PPRC1: variants seen among roughly 807,000 people sequenced by gnomAD.
PPRC1 encodes the protein peroxisome proliferator-activated receptor gamma coactivator-related protein 1.
A neutral mutation model predicts 132.5 loss-of-function variants in PPRC1; 23 were observed. The observed-to-expected ratio is 0.17, with a 90% CI of 0.12 to 0.25. The LOEUF (loss-of-function observed/expected upper bound fraction) is 0.25. Ranked by LOEUF, PPRC1 falls within the 10% of genes least tolerant of loss-of-function variation. PPRC1 has a pLI of 1.00. For missense variants in PPRC1, 2,006 were observed against 2,089.1 expected, an observed-to-expected ratio of 0.96 and a Z score of 0.78; for synonymous variants, 872 against 833.5, an observed-to-expected ratio of 1.05 and a Z score of -0.80.
chr10:102,119,937 G>C, the PPRC1 span: 40 of 455,776 alleles, frequency 8.8e-5, 1 homozygote, highest in African/African-American at 8.1e-4. Flanking sequence ...AACGCTACCC[G>C]CCAGCCTGAG....
rs763306636 is a variant in PPRC1 at position 102,140,708 on chromosome 10, A to C, written c.2200A>C (p.Lys734Gln). The C allele has an allele frequency of 2.5e-6, 4 of 1,613,920 alleles. No homozygotes were observed. Among genetic ancestry groups the C allele is most frequent in the Admixed American group, 3.3e-5 (2 of 59,972 alleles). The change falls in exon 5 of 14, where the codon AAA becomes CAA. Residue 734 changes from lysine to glutamine, a missense_variant. By Grantham distance (53) the Lys-to-Gln change is moderately conservative. This residue lies in a region of PPRC1 where 1,914 missense variants were observed against 1,917.2 expected (regional missense o/e 1.00). Transcript: ENST00000278070. ...AGTCAAAGAGGTTGTGGATTCTCTGAAAATTGAAAGTGGTACCAGTGCTAC... is the reference window on the plus strand; with the variant it reads ...AGTCAAAGAGGTTGTGGATTCTCTGCAAATTGAAAGTGGTACCAGTGCTAC... ...PEVKEVVDSLKIESGTSATTH... is the reference protein window; with the variant it reads ...PEVKEVVDSLQIESGTSATTH...
In PPRC1 at chr10:102,148,356, C is replaced by T. The variant is rs1340697831; in HGVS notation, c.4401-16C>T. 1 of 1,611,416 alleles carries T rather than the reference C, an allele frequency of 6.2e-7. No homozygotes were observed. Among genetic ancestry groups the T allele is most frequent in the Admixed American group, 1.7e-5 (1 of 59,972 alleles). On this transcript the variant is annotated splice_polypyrimidine_tract_variant and intron_variant, in intron 9 of 13. Coordinates refer to ENST00000278070, the MANE Select transcript of PPRC1 (RefSeq NM_015062.5). The surrounding 1 kb of genome is among the most constrained non-coding windows in gnomAD (Gnocchi z 4.2). ...GAACCACTCCCAGCATTCCTGCATGCCCTCTTATCCTTCAGGTCCAGCTGT... is the reference window on the plus strand; with the variant it reads ...GAACCACTCCCAGCATTCCTGCATGTCCTCTTATCCTTCAGGTCCAGCTGT...
Position 102,144,658 on chromosome 10 carries a change from G to A in PPRC1, c.3608+351G>A, listed in dbSNP as rs2069140295. On this transcript the variant is annotated intron_variant, in intron 7 of 13. Transcript: ENST00000278070. ...AATGGTGTAACTTAAAGTGGAGGAAGATGTTAATGGCTAGGAGTCATTTTT... is the reference window on the plus strand; with the variant it reads ...AATGGTGTAACTTAAAGTGGAGGAAAATGTTAATGGCTAGGAGTCATTTTT... The A allele has an allele frequency of 8.7e-6, 4 of 460,824 alleles. No individual in the cohort carries two copies. In the South Asian group the frequency reaches 1.1e-4, roughly 13 times the overall value. The allele number at this position is 460,824 out of a possible 1,614,324, so 28.5% of individuals were successfully genotyped here.
At chr10:102,146,600 C>G in intron 8 of PPRC1, 72 bp from the exon 9 acceptor site, 2 of 1,513,778 alleles carry the variant, frequency 1.3e-6, no homozygotes, top group Admixed American at 4.2e-5. Context: ...TCTCTGGAGG[C>G]TATATACACG....
the PPRC1 span, among the ~76,000 whole-genome samples, chr10:102,120,649 G>A: frequency 6.6e-6 from 1 of 152,198 alleles, no homozygotes; most frequent in Admixed American, 6.5e-5. Context: ...CTCGGGGAAC[G>A]GCATGCATGT....
At chr10:102,121,149 G>A in the PPRC1 span, among the ~76,000 whole-genome samples, 1 of 152,086 alleles carries the variant, frequency 6.6e-6, no homozygotes, top group East Asian at 1.9e-4. Context: ...CTGGGGGGAG[G>A]GGGCTGCGGA....
chr10:102,133,607 G>C (rs1264347604), intron 1 of PPRC1, among the ~76,000 whole-genome samples: 2 of 151,994 alleles, frequency 1.3e-5, no homozygotes, highest in South Asian at 4.1e-4. Context: ...GGGAGAACTT[G>C]TCTGCCTCCC....
rs773362045 is a variant in PPRC1, at chr10:102,133,209, C to T, written c.141C>T (p.Ser47=). The T allele has an allele frequency of 7.8e-7, 1 of 1,281,746 alleles. No individual in the cohort carries two copies. Among genetic ancestry groups the T allele is most frequent in the Non-Finnish European group, 9.9e-7 (1 of 1,007,664 alleles). 79.4% of individuals were successfully genotyped at this position (1,281,746 alleles called of 1,614,324 possible). A position where few individuals can be genotyped will look rare whatever the true frequency, so the allele number is the denominator to read the frequency against. ...QAPYGTLGAV[S]GGEQVLLHEE... Reference sequence around the variant, plus strand: ...CGTATGGGACTTTGGGCGCTGTGAGCGGCGGCGAGCAGGTGAGAGGTTGGC... The same window carrying T: ...CGTATGGGACTTTGGGCGCTGTGAGTGGCGGCGAGCAGGTGAGAGGTTGGC... The change falls in exon 1 of 14, where the codon AGC becomes AGT. Residue 47 remains serine, a synonymous_variant. Transcript: ENST00000278070.
chr10:102,146,622 C>A (rs183285547), intron 8 of PPRC1, 50 bp from the exon 9 acceptor site: 8 of 1,547,870 alleles, frequency 5.2e-6, no homozygotes, highest in Non-Finnish European at 6.1e-6. Flanking sequence ...TATTTGGAAG[C>A]GTAGAATCGG....
rs766460152 is a variant in PPRC1, at chr10:102,133,079, G to T, written c.11G>T (p.Arg4Leu). The change falls in exon 1 of 14, where the codon CGC becomes CTC. Residue 4 changes from arginine (R) to leucine (L), a missense_variant. Coordinates refer to ENST00000278070, the MANE Select transcript of PPRC1 (RefSeq NM_015062.5). ...TGTTCAGGGGCCAAGATGGCGGCGC[G>T]CCGGGGACGGAGAGACGGAGTCGCG... MAA[R>L]RGRRDGVAPP... The T allele has an allele frequency of 3.2e-6, 4 of 1,242,314 alleles. No individual in the cohort carries two copies. The highest frequency in any genetic ancestry group is 3.0e-6 in the Non-Finnish European group (3 of 987,972). The allele number at this position is 1,242,314 out of a possible 1,614,324, so 77.0% of individuals were successfully genotyped here. A position where few individuals can be genotyped will look rare whatever the true frequency, so the allele number is the denominator to read the frequency against.
chr10:102,146,568 A>T, intron 8 of PPRC1, 104 bp from the exon 9 acceptor site: 4 of 1,447,770 alleles, frequency 2.8e-6, no homozygotes, highest in Non-Finnish European at 3.7e-6. Flanking sequence ...TGCTTGGTGT[A>T]CTTTGTGAGA....
At chr10:102,145,156 C>T (rs1430410961) in intron 8 of PPRC1, 66 bp downstream of exon 8, 1 of 1,442,898 alleles carries the variant, frequency 6.9e-7, no homozygotes, top group Non-Finnish European at 9.7e-7. Flanking sequence ...GAGCCTACTC[C>T]AAATCCATTG....
chr10:102,129,178 G>T (rs1043709635), upstream of PPRC1, among the ~76,000 whole-genome samples: 1 of 151,876 alleles, frequency 6.6e-6, no homozygotes, highest in Admixed American at 6.6e-5. Flanking sequence ...TGATCCGCCC[G>T]CCTCGGCCTC....
chr10:102,141,615 C>G lies in PPRC1; in HGVS notation c.3107C>G (p.Pro1036Arg). The G allele has an allele frequency of 6.2e-7, 1 of 1,614,164 alleles. No individual in the cohort carries two copies. The highest frequency in any genetic ancestry group is 8.5e-7 in the Non-Finnish European group (1 of 1,180,030). Residue 1036 changes from proline to arginine, a missense_variant, in exon 5 of 14, where the codon CCT (proline) becomes CGT (arginine). This residue lies in a region of PPRC1 where 1,914 missense variants were observed against 1,917.2 expected (regional missense o/e 1.00). Transcript: ENST00000278070. ...AATGTACTTCCCTTGTCGATGGCTC[C>G]TCCCCTCAGTCTTGGGCTACCTGGC... ...PENVLPLSMAPPLSLGLPGHG... is the reference protein window; with the variant it reads ...PENVLPLSMARPLSLGLPGHG...
At chr10:102,144,692 T>C in intron 7 of PPRC1, 1 of 468,608 alleles carries the variant, frequency 2.1e-6, no homozygotes, top group Non-Finnish European at 3.8e-6. Flanking sequence ...TTCATGTTCA[T>C]GATCCTCCAT....
Position 102,148,612 on chromosome 10 carries a change from C to T in PPRC1, c.4551-16C>T. The T allele has an allele frequency of 6.2e-7, 1 of 1,614,112 alleles. No individual in the cohort carries two copies. On this transcript the variant is annotated splice_polypyrimidine_tract_variant and intron_variant, in intron 10 of 13. Coordinates refer to ENST00000278070, the MANE Select transcript of PPRC1 (RefSeq NM_015062.5). This position sits in a 1 kb window ranked among gnomAD's most constrained non-coding sequence, Gnocchi z 4.2. Reference sequence around the variant, plus strand: ...TGTCTTATGTTTGGGGGGCTGATGACACCCTCTTTTGTCAGGTACAGCTCT... The same window carrying T: ...TGTCTTATGTTTGGGGGGCTGATGATACCCTCTTTTGTCAGGTACAGCTCT...
upstream of PPRC1, among the ~76,000 whole-genome samples, chr10:102,131,057 T>C (rs1001066683): frequency 2.0e-5 from 3 of 151,750 alleles, no homozygotes; most frequent in African/African-American, 7.3e-5. Flanking sequence ...TAGCTGGGTG[T>C]GGTGGTGGGC....
Position 102,137,811 on chromosome 10 carries a change from A to G in PPRC1, c.154-39A>G, listed in dbSNP as rs373991663. On this transcript the variant is annotated intron_variant, in intron 1 of 13. Coordinates refer to ENST00000278070, the MANE Select transcript of PPRC1 (RefSeq NM_015062.5). ...ATGGAGCATATTATCAGCTGCTGCC[A>G]GAGAGCTCATACCCTTCTCACCTTC... 16 of 1,581,194 alleles carry G rather than the reference A, an allele frequency of 1.0e-5. No homozygotes were observed. In the African/African-American group the frequency reaches 1.6e-4, roughly 16 times the overall value.
Position 102,143,067 on chromosome 10 carries a change from C to T in PPRC1, c.3519C>T (p.Ser1173=). The T allele has an allele frequency of 6.2e-7, 1 of 1,613,748 alleles. No individual in the cohort carries two copies. The highest frequency in any genetic ancestry group is 8.5e-7 in the Non-Finnish European group (1 of 1,179,704). Residue 1173 remains serine, a synonymous_variant, in exon 6 of 14, where the codon TCC becomes TCT. Transcript: ENST00000278070. ...CAGGAATTGAGGCATCGGACCTGTC[C>T]AGTCTGCTGGAGCAGTTTGAGAAAT... ...SEIGIEASDL[S]SLLEQFEKSE...
Sources: allele counts gnomAD v4.1 joint callset (sites outside exome capture counted in the v4.1 genomes callset), GRCh38; gene constraint gnomAD v4.1.1; regional missense constraint gnomAD v4.1.1; non-coding constraint Gnocchi (gnomAD v3.1); transcripts MANE v1.5; gene names NCBI Gene and HGNC (gene_info 2026-07-23, HGNC 2026-07-21).